The following DCC variants were observed in gnomAD, a reference collection of about 807,000 sequenced individuals.
DCC encodes netrin receptor DCC.
DCC carries 58 observed loss-of-function variants against 172.5 expected under a neutral mutation model. The observed-to-expected ratio is 0.34, with a 90% confidence interval of 0.27 to 0.42. The LOEUF (loss-of-function observed/expected upper bound fraction) is 0.42, where lower values mean the gene tolerates loss of function less well. Ranked by LOEUF, DCC falls within the 10% of genes least tolerant of loss-of-function variation. DCC has a pLI of 1.00. For missense variants in DCC, 1,740 were observed against 1,791.0 expected (o/e 0.97, Z 0.51); for synonymous variants, 709 against 644.5 (o/e 1.10, Z -1.52).
intron 5 of DCC, among the ~76,000 whole-genome samples, chr18:53,026,379 A>G (rs1279214931): frequency 6.6e-6 from 1 of 152,058 alleles, no homozygotes; most frequent in Non-Finnish European, 1.5e-5. Flanking sequence ...AAGTTATGTT[A>G]TAGAGCATTG....
At chr18:52,905,823 T>G (rs963107660) in intron 2 of DCC, among the ~76,000 whole-genome samples, 1 of 152,224 alleles carries the variant, frequency 6.6e-6, no homozygotes, top group African/African-American at 2.4e-5. Flanking sequence ...TAAATAAGCT[T>G]CTAGAGATGA....
chr18:52,907,095 G>A (rs1010624536), intron 3 of DCC, among the ~76,000 whole-genome samples: 1 of 151,008 alleles, frequency 6.6e-6, no homozygotes, highest in African/African-American at 2.4e-5. Flanking sequence ...TTTATTCCCA[G>A]CACATACATG....
intron 1 of DCC, among the ~76,000 whole-genome samples, chr18:52,434,741 C>A (rs1253985009): frequency 3.3e-5 from 5 of 151,270 alleles, no homozygotes; most frequent in African/African-American, 1.2e-4. Context: ...CTATAAATTT[C>A]TCTTCAAGAT....
At chr18:52,659,289 T>C (rs1470896912) in intron 1 of DCC, among the ~76,000 whole-genome samples, 1 of 151,948 alleles carries the variant, frequency 6.6e-6, no homozygotes, top group African/African-American at 2.4e-5. Flanking sequence ...TAATCCAAAA[T>C]ACCATGACAC....
chr18:52,653,473 C>T (rs1311936146), intron 1 of DCC, among the ~76,000 whole-genome samples: 6 of 152,078 alleles, frequency 3.9e-5, no homozygotes, highest in African/African-American at 1.2e-4. Context: ...CTTAGTAATC[C>T]ATCTTAAATC....
chr18:52,828,640 C>T (rs1472300036), intron 2 of DCC, among the ~76,000 whole-genome samples: 2 of 152,072 alleles, frequency 1.3e-5, no homozygotes, highest in Non-Finnish European at 1.5e-5. Flanking sequence ...CTTCGGCCAA[C>T]AGAAGACTCA....
Position 52,941,714 on chromosome 18 carries a change from C to T in DCC, c.985+16344C>T, listed in dbSNP as rs549079062. Among the ~76,000 whole-genome samples the T allele has an allele frequency of 1.4e-4, 21 of 152,092 alleles. No homozygotes were observed. The South Asian group carries it at 4.1e-3, about 30-fold the overall frequency. ...GTAGCTTCATTCACCAAAGAGACTA[C>T]TATTAATATTTCACTGTACTACTTA... On this transcript the variant is annotated intron_variant, in intron 5 of 28. Transcript: ENST00000442544.
chr18:52,831,095 C>T (rs777436063), intron 2 of DCC, among the ~76,000 whole-genome samples: 4 of 151,980 alleles, frequency 2.6e-5, no homozygotes, highest in African/African-American at 4.8e-5. Flanking sequence ...AAGTTATCCA[C>T]GGAGATTTCT....
intron 27 of DCC, among the ~76,000 whole-genome samples, chr18:53,505,046 C>A (rs2046154661): frequency 6.6e-6 from 1 of 152,060 alleles, no homozygotes; most frequent in African/African-American, 2.4e-5. Flanking sequence ...CTTCTAGGAT[C>A]CTAATAATTA....
At position 52,911,346 on chromosome 18, in the gene DCC, A is replaced by G. The variant is rs1490791242; in HGVS notation, c.697+5018A>G. On this transcript the variant is annotated intron_variant, in intron 3 of 28. Coordinates refer to ENST00000442544, the MANE Select transcript of DCC (RefSeq NM_005215.4). ...AAGGTTTGCATAGATTATTACTTTT[A>G]TAGGTCATAAGGGAAGAACTGTCTG... 4.6e-5 allele frequency among the ~76,000 whole-genome samples: 7 copies of G among 152,102 alleles called. No homozygotes were observed. The South Asian group carries it at 1.2e-3, about 27-fold the overall frequency.
intron 2 of DCC, among the ~76,000 whole-genome samples, chr18:52,775,337 A>G (rs8097127): frequency 0.66 from 100,487 of 152,062 alleles, 33,760 homozygotes; most frequent in East Asian, 0.89. Context: ...TGTGTGATAC[A>G]GGGTGCTCTC....
chr18:52,841,251 T>C (rs2038800563), intron 2 of DCC, among the ~76,000 whole-genome samples: 1 of 151,312 alleles, frequency 6.6e-6, no homozygotes. Context: ...TCTAAGTACA[T>C]GGAGAATCAG....
At chr18:52,610,619 T>C (rs2034259700) in intron 1 of DCC, among the ~76,000 whole-genome samples, 1 of 151,840 alleles carries the variant, frequency 6.6e-6, no homozygotes, top group African/African-American at 2.4e-5. Flanking sequence ...ACACAGGGAA[T>C]TGGCAGCCTT....
Position 53,203,872 on chromosome 18 carries a change from A to G in DCC, c.1574-1344A>G, listed in dbSNP as rs75270593. On this transcript the variant is annotated intron_variant, in intron 9 of 28. Transcript: ENST00000442544. ...TAGGTAACCATAGTGTGGCCATTGC[A>G]TTTACCATTTACAAGCTATATACAG... Among the ~76,000 whole-genome samples, 19 of 152,298 alleles carry G rather than the reference A, an allele frequency of 1.2e-4. No homozygotes were observed. The East Asian group carries it at 3.5e-3, about 28-fold the overall frequency.
chr18:52,801,473 G>A (rs952625952), intron 2 of DCC, among the ~76,000 whole-genome samples: 2 of 152,116 alleles, frequency 1.3e-5, no homozygotes, highest in South Asian at 2.1e-4. Flanking sequence ...TCACAAAGGG[G>A]TTAATCATTT....
chr18:52,603,251 C>G (rs1393860970), intron 1 of DCC, among the ~76,000 whole-genome samples: 1 of 152,012 alleles, frequency 6.6e-6, no homozygotes, highest in Non-Finnish European at 1.5e-5. Flanking sequence ...CTGAAAAGAA[C>G]ATGTGTGACA....
At chr18:52,415,226 C>A (rs1462766676) in intron 1 of DCC, among the ~76,000 whole-genome samples, 1 of 152,190 alleles carries the variant, frequency 6.6e-6, no homozygotes, top group Non-Finnish European at 1.5e-5. Context: ...CAAATATCAT[C>A]TGGCATAAAA....
chr18:53,190,917 G>A (rs1015539066), intron 9 of DCC, among the ~76,000 whole-genome samples: 2 of 152,178 alleles, frequency 1.3e-5, no homozygotes, highest in African/African-American at 4.8e-5. Flanking sequence ...CTGCACTCTT[G>A]CCTGGGAGAC....
intron 5 of DCC, among the ~76,000 whole-genome samples, chr18:53,038,923 A>G (rs1382218706): frequency 1.3e-5 from 2 of 151,954 alleles, no homozygotes; most frequent in African/African-American, 4.8e-5. Flanking sequence ...TCAAACATGT[A>G]AGGGAAGGAC....
Sources: allele counts gnomAD v4.1 joint callset (sites outside exome capture counted in the v4.1 genomes callset), GRCh38; gene constraint gnomAD v4.1.1; transcripts MANE v1.5; gene names NCBI Gene and HGNC (gene_info 2026-07-23, HGNC 2026-07-21).